The following COX15 variants were observed in gnomAD, a reference collection of about 807,000 sequenced individuals.
COX15 encodes cytochrome c oxidase assembly factor COX15.
Under a neutral mutation model 51.9 loss-of-function variants are expected in COX15, and 51 were observed. That is an observed-to-expected ratio of 0.98 (90% CI 0.78 to 1.24). The LOEUF is 1.24. Ranked by LOEUF, COX15 falls within the 50% of genes most tolerant of loss-of-function variation. The pLI is 0.00. For missense variants in COX15, 420 were observed against 501.1 expected (o/e 0.84, Z 1.55); for synonymous variants, 188 against 190.5 (o/e 0.99, Z 0.11).
intron 3 of COX15, 132 bp downstream of exon 3, chr10:99,727,309 G>T: frequency 1.4e-6 from 2 of 1,474,956 alleles, no homozygotes; most frequent in Non-Finnish European, 1.9e-6. Flanking sequence ...TGGATTTGGG[G>T]GCTTAGAAGA....
chr10:99,730,682 G>A (rs2037108366), intron 1 of COX15, among the ~76,000 whole-genome samples: 1 of 152,108 alleles, frequency 6.6e-6, no homozygotes, highest in East Asian at 1.9e-4. Flanking sequence ...AAATCTGTAT[G>A]GCATATTATG....
rs2036386052 is a variant in COX15, at chr10:99,711,537, T to C, written c.*3050A>G. 4.1e-6 allele frequency: 4 copies of C among 985,328 alleles called. No homozygotes were observed. The highest frequency in any genetic ancestry group is 4.8e-6 in the Non-Finnish European group (4 of 829,950). 61.0% of individuals were successfully genotyped at this position (985,328 alleles called of 1,614,324 possible). ...GGAATGGGAATAAGCTAGTCAGAAC[T>C]TTCTAAGGTAACTAGGCTATTAGGA... On this transcript the variant is annotated 3_prime_UTR_variant, in exon 9 of 9. Coordinates refer to ENST00000016171, the MANE Select transcript of COX15 (RefSeq NM_078470.6).
chr10:99,724,757 G>A (rs1468045237), intron 4 of COX15, among the ~76,000 whole-genome samples: 1 of 151,574 alleles, frequency 6.6e-6, no homozygotes, highest in South Asian at 2.1e-4. Flanking sequence ...AAGGTCCATG[G>A]ATATATCTCA....
At position 99,724,129 on chromosome 10, in the gene COX15, A is replaced by G; in HGVS notation, c.583-6T>C. ...ATATACCATCCCAACAGACCCTAGA[A>G]CCCCCAAGAGATGAAGCAAACAAAA... On this transcript the variant is annotated splice_region_variant and splice_polypyrimidine_tract_variant and intron_variant, in intron 4 of 8. Transcript: ENST00000016171. 1 of 1,613,778 alleles carries G rather than the reference A, an allele frequency of 6.2e-7. No individual in the cohort carries two copies. The highest frequency in any genetic ancestry group is 1.1e-5 in the South Asian group (1 of 91,060).
chr10:99,728,975 CTGAT>C (rs1223687882), intron 2 of COX15, among the ~76,000 whole-genome samples: 4 of 152,302 alleles, frequency 2.6e-5, no homozygotes, highest in Admixed American at 1.3e-4. Context: ...AACTTGGACT[CTGAT>C]TGAAAGAGAA....
downstream of COX15, chr10:99,710,406 G>A (rs926773233): frequency 6.1e-6 from 6 of 985,164 alleles, no homozygotes; most frequent in Admixed American, 1.2e-4. Context: ...CTTGATCAAT[G>A]GCCTCTGCGG....
chr10:99,715,639 TAA>T (rs573115316), intron 8 of COX15, among the ~76,000 whole-genome samples: 46 of 127,352 alleles, frequency 3.6e-4, no homozygotes, highest in Non-Finnish European at 3.0e-4. Context: ...ACTCCATCTC[TAA>T]AAAAAAAAAA....
chr10:99,694,687 C>T, the COX15 span, among the ~76,000 whole-genome samples: 2 of 152,066 alleles, frequency 1.3e-5, no homozygotes, highest in Non-Finnish European at 2.9e-5. Flanking sequence ...CAGGCACCCA[C>T]CACCATGCCT....
At chr10:99,701,954 AGG>A in the COX15 span, among the ~76,000 whole-genome samples, 1 of 151,974 alleles carries the variant, frequency 6.6e-6, no homozygotes, top group Non-Finnish European at 1.5e-5. Context: ...AGGCTGAGGC[AGG>A]GAGAATTGCT....
chr10:99,702,560 A>T, the COX15 span: 1 of 1,611,774 alleles, frequency 6.2e-7, no homozygotes, highest in Non-Finnish European at 8.5e-7. Flanking sequence ...TACATGAAGG[A>T]TTCCACTTTC....
chr10:99,702,462 A>G, the COX15 span: 5 of 1,461,028 alleles, frequency 3.4e-6, no homozygotes, highest in African/African-American at 2.9e-5. Context: ...AAAGGAAAGT[A>G]TTAGAATTCT....
chr10:99,698,686 C>T, the COX15 span: 1 of 1,614,130 alleles, frequency 6.2e-7, no homozygotes, highest in East Asian at 2.2e-5. Context: ...ATGCTGAGCC[C>T]CCTGCTGGCT....
chr10:99,698,837 A>G, the COX15 span: 1 of 1,604,570 alleles, frequency 6.2e-7, no homozygotes, highest in Admixed American at 1.7e-5. Context: ...ACCATGGGCC[A>G]ACATTTGCCA....
chr10:99,710,196 C>T, downstream of COX15: 10 of 985,438 alleles, frequency 1.0e-5, no homozygotes, highest in Non-Finnish European at 1.2e-5. Flanking sequence ...TCCTACAGAG[C>T]ACTTGCCGGC....
chr10:99,704,603 C>T, the COX15 span: 18 of 1,614,054 alleles, frequency 1.1e-5, no homozygotes, highest in Non-Finnish European at 1.5e-5. Context: ...TCACCACCGA[C>T]AAACACGAGC....
the COX15 span, among the ~76,000 whole-genome samples, chr10:99,695,326 C>A: frequency 6.6e-6 from 1 of 152,074 alleles, no homozygotes; most frequent in African/African-American, 2.4e-5. Flanking sequence ...AGATCGAGAA[C>A]ATCCTGGCCA....
intron 2 of COX15, 87 bp downstream of exon 2, chr10:99,729,459 CAAAAAAA>C (rs35588478): frequency 2.8e-4 from 340 of 1,212,630 alleles, no homozygotes; most frequent in Middle Eastern, 4.3e-4. Flanking sequence ...GACTCTGTCT[CAAAAAAA>C]AAAAAAAAAA....
At chr10:99,705,216 G>A in the COX15 span, 1 of 159,340 alleles carries the variant, frequency 6.3e-6, no homozygotes, top group South Asian at 1.8e-4. Context: ...GCACCAAAAT[G>A]ATATAACTTC....
intron 2 of COX15, among the ~76,000 whole-genome samples, chr10:99,728,716 G>A (rs1010796358): frequency 8.5e-5 from 13 of 152,126 alleles, no homozygotes; most frequent in Non-Finnish European, 1.2e-4. Flanking sequence ...CTCATTCACA[G>A]GAAATAGACG....
Sources: allele counts gnomAD v4.1 joint callset (sites outside exome capture counted in the v4.1 genomes callset), GRCh38; gene constraint gnomAD v4.1.1; transcripts MANE v1.5; gene names NCBI Gene and HGNC (gene_info 2026-07-23, HGNC 2026-07-21).